The following KCNQ5 variants were observed in gnomAD, a reference collection of about 807,000 sequenced individuals.
KCNQ5 encodes potassium voltage-gated channel subfamily KQT member 5.
In KCNQ5, 30 loss-of-function variants were observed where a neutral mutation model predicts 98.2. The ratio of observed to expected loss-of-function variants is 0.31; its 90% CI spans 0.23 to 0.41. KCNQ5 has a LOEUF of 0.41. KCNQ5 is among the 10% of genes least tolerant of loss of function. The probability of loss-of-function intolerance (pLI) is 1.00; values close to 1 mark genes in which losing one functional copy is unlikely to be tolerated. For missense variants in KCNQ5, 835 were observed against 1,182.5 expected, an observed-to-expected ratio of 0.71 and a Z score of 4.31; for synonymous variants, 458 against 449.4, an observed-to-expected ratio of 1.02 and a Z score of -0.24.
chr6:73,142,270 G>T (rs1272646306), intron 10 of KCNQ5, among the ~76,000 whole-genome samples: 1 of 152,168 alleles, frequency 6.6e-6, no homozygotes. Flanking sequence ...AATACCAGGA[G>T]ATGAGGGCCA....
In KCNQ5 at chr6:72,956,544, CTTTTATTTT is replaced by C. The variant is rs1178992751; in HGVS notation, c.399-47351_399-47343del. Among the ~76,000 whole-genome samples the C allele has an allele frequency of 7.9e-4, 34 of 43,026 alleles. 1 individual carries two copies. Among genetic ancestry groups the C allele is most frequent in the African/African-American group, 2.7e-3 (30 of 11,228 alleles). 28.2% of individuals were successfully genotyped at this position (43,026 alleles called of 152,430 possible). On this transcript the variant is annotated intron_variant, in intron 1 of 13. Coordinates refer to ENST00000370398, the MANE Select transcript of KCNQ5 (RefSeq NM_019842.4). ...TAACCCTTTTTTTCTTTCTTTCTTT[CTTTTATTTT>C]TTTTATTTTTTTATTTTTTATTTTT...
chr6:73,060,200 CCAAGA>C (rs1468409583), intron 3 of KCNQ5, among the ~76,000 whole-genome samples: 3 of 151,808 alleles, frequency 2.0e-5, no homozygotes, highest in African/African-American at 7.3e-5. Context: ...TACTTTTCCT[CCAAGA>C]CTCTGCCAAA....
intron 1 of KCNQ5, among the ~76,000 whole-genome samples, chr6:72,838,949 C>CA (rs67894922): frequency 0.21 from 12,036 of 58,142 alleles, 2,036 homozygotes; most frequent in African/African-American, 0.39. Context: ...GACTCCGTCT[C>CA]AAAAAAAAAA....
intron 1 of KCNQ5, among the ~76,000 whole-genome samples, chr6:72,761,866 T>C (rs1298979832): frequency 6.6e-6 from 1 of 152,058 alleles, no homozygotes; most frequent in African/African-American, 2.4e-5. Context: ...GCAGGAGTAG[T>C]GGCTAGAAAC....
chr6:72,714,372 A>G (rs1769532600), intron 1 of KCNQ5, among the ~76,000 whole-genome samples: 2 of 152,168 alleles, frequency 1.3e-5, no homozygotes, highest in Non-Finnish European at 1.5e-5. Flanking sequence ...TCTGATCTGT[A>G]GCAATGGAGG....
chr6:72,928,237 A>G (rs1043560665), intron 1 of KCNQ5, among the ~76,000 whole-genome samples: 4 of 152,076 alleles, frequency 2.6e-5, no homozygotes, highest in African/African-American at 9.7e-5. Context: ...AATCAGTAAT[A>G]TGACTTTGCT....
chr6:72,926,899 A>AT (rs201178092), intron 1 of KCNQ5, among the ~76,000 whole-genome samples: 2,354 of 152,232 alleles, frequency 0.015, 55 homozygotes, highest in African/African-American at 0.053. Context: ...TAATTGAGTG[A>AT]TTTTTTTCTC....
rs187363994 is a variant in KCNQ5 at position 72,780,738 on chromosome 6, T to A, written c.398+158151T>A. On this transcript the variant is annotated intron_variant, in intron 1 of 13. Transcript: ENST00000370398. The stretch of plus-strand genomic sequence containing the variant: ...GGATAACATGTAAGGTTTTAAATAA[T>A]GATATTAGATTTGAGTTTTGCAAAC... Among the ~76,000 whole-genome samples, 442 of 152,272 alleles carry A rather than the reference T, an allele frequency of 2.9e-3. 1 individual carries two copies. Among genetic ancestry groups the A allele is most frequent in the African/African-American group, 0.01 (416 of 41,536 alleles).
intron 1 of KCNQ5, among the ~76,000 whole-genome samples, chr6:72,655,022 G>GTCTTTCTTTCCC (rs1254231605): frequency 2.0e-3 from 236 of 119,060 alleles, no homozygotes; most frequent in East Asian, 7.3e-3. Flanking sequence ...GCCAAGGTCT[G>GTCTTTCTTTCCC]TCTGTCTTTC....
chr6:72,774,543 T>A (rs1346559231), intron 1 of KCNQ5, among the ~76,000 whole-genome samples: 1 of 151,852 alleles, frequency 6.6e-6, no homozygotes, highest in East Asian at 1.9e-4. Flanking sequence ...GAAAAGGCAA[T>A]CCACACGGTG....
chr6:72,674,751 CA>C (rs1565073422), intron 1 of KCNQ5, among the ~76,000 whole-genome samples: 1 of 152,108 alleles, frequency 6.6e-6, no homozygotes, highest in African/African-American at 2.4e-5. Flanking sequence ...GCCTGAGTGA[CA>C]GGGTGAGATC....
rs1326036756 is a variant in KCNQ5, at chr6:72,808,390, A to G, written c.398+185803A>G. Among the ~76,000 whole-genome samples the G allele has an allele frequency of 2.0e-5, 3 of 152,274 alleles. No individual in the cohort carries two copies. The East Asian group carries it at 5.8e-4, about 29-fold the overall frequency. On this transcript the variant is annotated intron_variant, in intron 1 of 13. Coordinates refer to ENST00000370398, the MANE Select transcript of KCNQ5 (RefSeq NM_019842.4). ...TCTGGAATATTTAGTTAAAGTGTCT[A>G]CATCAACCAAACCGGAATACAAGGA... is the stretch of plus-strand genomic sequence containing the variant.
At chr6:73,025,188 G>A (rs1021776157) in intron 2 of KCNQ5, among the ~76,000 whole-genome samples, 1 of 152,124 alleles carries the variant, frequency 6.6e-6, no homozygotes, top group African/African-American at 2.4e-5. Flanking sequence ...AAAGACATCC[G>A]AGCCAGACAT....
At chr6:72,944,720 A>C (rs190129815) in intron 1 of KCNQ5, among the ~76,000 whole-genome samples, 146 of 152,288 alleles carry the variant, frequency 9.6e-4, no homozygotes, top group Non-Finnish European at 1.5e-3. Context: ...ACCTCTGAAA[A>C]ACCTGCCACC....
chr6:72,874,494 A>G (rs946560765), intron 1 of KCNQ5, among the ~76,000 whole-genome samples: 3 of 152,184 alleles, frequency 2.0e-5, no homozygotes, highest in Admixed American at 2.0e-4. Context: ...ATTTATTTTC[A>G]CTTTAATCAC....
rs539020876 is a variant in KCNQ5, at chr6:73,076,546, GA to G, written c.617-772del. 5.9e-3 allele frequency among the ~76,000 whole-genome samples: 904 copies of G among 151,982 alleles called. 9 individuals are homozygous for G. The highest frequency in any genetic ancestry group is 0.014 in the Middle Eastern group (4 of 294). ...ATGCTCTTTTTCTCTTTTTTGCTTA[GA>G]AAAGGCAGATTTTTTCAGCCTAATG... On this transcript the variant is annotated intron_variant, in intron 3 of 13. Coordinates refer to ENST00000370398, the MANE Select transcript of KCNQ5 (RefSeq NM_019842.4).
intron 3 of KCNQ5, among the ~76,000 whole-genome samples, chr6:73,063,122 G>A (rs1008184352): frequency 4.1e-4 from 62 of 152,148 alleles, no homozygotes; most frequent in African/African-American, 1.4e-3. Context: ...AACTCGATTA[G>A]GCCATCTCCA....
chr6:72,629,314 A>C (rs2154471498), intron 1 of KCNQ5, among the ~76,000 whole-genome samples: 1 of 152,336 alleles, frequency 6.6e-6, no homozygotes, highest in East Asian at 1.9e-4. Flanking sequence ...TTAAAAAATC[A>C]CTGATTTCTC....
chr6:72,942,289 G>C (rs1473296964), intron 1 of KCNQ5, among the ~76,000 whole-genome samples: 2 of 152,134 alleles, frequency 1.3e-5, no homozygotes, highest in Non-Finnish European at 2.9e-5. Context: ...TCACTGACCT[G>C]TAGTATCCAA....
Sources: allele counts gnomAD v4.1 joint callset (sites outside exome capture counted in the v4.1 genomes callset), GRCh38; gene constraint gnomAD v4.1.1; transcripts MANE v1.5; gene names NCBI Gene and HGNC (gene_info 2026-07-23, HGNC 2026-07-21).